Variants in HADHA observed in about 807,000 individuals in gnomAD.
HADHA encodes the protein trifunctional enzyme subunit alpha, mitochondrial.
Under a neutral mutation model 91.3 loss-of-function variants are expected in HADHA, and 59 were observed. The ratio of observed to expected loss-of-function variants is 0.65; its 90% CI spans 0.52 to 0.80. The LOEUF (loss-of-function observed/expected upper bound fraction) is 0.80, where lower values mean the gene tolerates loss of function less well. HADHA is among the 30% of genes least tolerant of loss of function. The probability of loss-of-function intolerance (pLI) is 0.00; values close to 1 mark genes in which losing one functional copy is unlikely to be tolerated. For synonymous variants in HADHA, 320 were observed against 338.9 expected (o/e 0.94, Z 0.61); for missense variants, 800 against 927.6 (o/e 0.86, Z 1.79).
chr2:26,207,440 C>T (rs1439202192), intron 11 of HADHA, among the ~76,000 whole-genome samples: 2 of 151,492 alleles, frequency 1.3e-5, no homozygotes, highest in Non-Finnish European at 2.9e-5. Context: ...GAATCCACAG[C>T]TAAAATATTA....
In HADHA at chr2:26,203,288, A is replaced by G. The variant is rs576985902; in HGVS notation, c.1220+774T>C. Among the ~76,000 whole-genome samples the G allele has an allele frequency of 6.5e-4, 99 of 152,312 alleles. No individual in the cohort carries two copies. The South Asian group carries it at 0.02, about 31-fold the overall frequency. On this transcript the variant is annotated intron_variant, in intron 12 of 19. Coordinates refer to ENST00000380649, the MANE Select transcript of HADHA (RefSeq NM_000182.5). ...ATCCATTTAAGAAACAAAAAAGCTC[A>G]CTCAGCTAAAAGTCACATGCAGGAT... is the stretch of plus-strand genomic sequence containing the variant.
intron 4 of HADHA, among the ~76,000 whole-genome samples, chr2:26,236,359 G>GTATA (rs34905439): frequency 0.028 from 3,877 of 137,832 alleles, 98 homozygotes; most frequent in Middle Eastern, 0.052. Flanking sequence ...GTGTGTGTGT[G>GTATA]TATATATATA....
chr2:26,215,640 T>C (rs910280158), intron 7 of HADHA, among the ~76,000 whole-genome samples: 1 of 152,182 alleles, frequency 6.6e-6, no homozygotes, highest in Non-Finnish European at 1.5e-5. Flanking sequence ...TTTTCAGGGA[T>C]GTGTAATGCT....
chr2:26,234,590 C>A (rs1295820983), intron 4 of HADHA, among the ~76,000 whole-genome samples: 2 of 152,048 alleles, frequency 1.3e-5, no homozygotes, highest in Admixed American at 1.3e-4. Context: ...CACGGTGAAA[C>A]CCCGTCTCTA....
chr2:26,195,645 A>C (rs150165409), intron 14 of HADHA, among the ~76,000 whole-genome samples: 1 of 152,094 alleles, frequency 6.6e-6, no homozygotes, highest in African/African-American at 2.4e-5. Context: ...CTGTCAGAGA[A>C]GTATTTGCAT....
intron 7 of HADHA, among the ~76,000 whole-genome samples, chr2:26,223,858 T>C (rs756196269): frequency 2.0e-4 from 31 of 152,198 alleles, no homozygotes; most frequent in Non-Finnish European, 4.0e-4. Context: ...GTGATTCTCC[T>C]GCCTCAGCCT....
intron 5 of HADHA, among the ~76,000 whole-genome samples, chr2:26,232,521 A>G (rs1477384761): frequency 6.6e-6 from 1 of 152,184 alleles, no homozygotes; most frequent in Non-Finnish European, 1.5e-5. Context: ...ACTGAAAGCT[A>G]GAGAAGCTCT....
Position 26,191,474 on chromosome 2 carries a change from G to A in HADHA, c.2146+9C>T, listed in dbSNP as rs776491880. On this transcript the variant is annotated intron_variant, in intron 19 of 19. Coordinates refer to ENST00000380649, the MANE Select transcript of HADHA (RefSeq NM_000182.5). ...AAAGTGAGCTTCCTTCCCAACCTGC[G>A]AGACCAACCTCCCAGACAAGGCGGG... The A allele has an allele frequency of 4.3e-6, 7 of 1,614,010 alleles. No individual in the cohort carries two copies. Among genetic ancestry groups the A allele is most frequent in the East Asian group, 4.5e-5 (2 of 44,886 alleles).
intron 12 of HADHA, among the ~76,000 whole-genome samples, chr2:26,201,953 C>T (rs1574608433): frequency 7.6e-6 from 1 of 131,322 alleles, no homozygotes; most frequent in African/African-American, 3.0e-5. Context: ...CACCACCACG[C>T]CTGGCTAATT....
intron 7 of HADHA, among the ~76,000 whole-genome samples, chr2:26,215,790 A>G (rs926985744): frequency 1.3e-5 from 2 of 152,342 alleles, no homozygotes; most frequent in African/African-American, 2.4e-5. Context: ...AACATTTGTG[A>G]AAGTCTAAGA....
At chr2:26,196,094 C>T (rs1274041585) in intron 14 of HADHA, among the ~76,000 whole-genome samples, 1 of 152,220 alleles carries the variant, frequency 6.6e-6, no homozygotes, top group Non-Finnish European at 1.5e-5. Flanking sequence ...ACATTTACCA[C>T]TTATTCCTTA....
rs540612118 is a variant in HADHA at position 26,219,587 on chromosome 2, T to C, written c.677-4412A>G. On this transcript the variant is annotated intron_variant, in intron 7 of 19. Coordinates refer to ENST00000380649, the MANE Select transcript of HADHA (RefSeq NM_000182.5). ...ATCTTTGCTCTGTGGTTGCTTCTCTTTGTAGGTCAGAAATTACAGTGGGAA... is the reference window on the plus strand; with the variant it reads ...ATCTTTGCTCTGTGGTTGCTTCTCTCTGTAGGTCAGAAATTACAGTGGGAA... Among the ~76,000 whole-genome samples, 7 of 152,268 alleles carry C rather than the reference T, an allele frequency of 4.6e-5. No individual in the cohort carries two copies. The South Asian group carries it at 1.5e-3, about 32-fold the overall frequency.
At chr2:26,217,456 A>T (rs1670264493) in intron 7 of HADHA, among the ~76,000 whole-genome samples, 1 of 152,240 alleles carries the variant, frequency 6.6e-6, no homozygotes, top group African/African-American at 2.4e-5. Context: ...CCATATGTCC[A>T]AGATGCTCAA....
In HADHA at chr2:26,210,213, A is replaced by G. The variant is rs1436817987; in HGVS notation, c.976-324T>C. Among the ~76,000 whole-genome samples the G allele has an allele frequency of 6.6e-6, 1 of 152,152 alleles. No homozygotes were observed. Among genetic ancestry groups the G allele is most frequent in the Non-Finnish European group, 1.5e-5 (1 of 68,014 alleles). ...CTCAGGGCCAAAATGAGCCTCCACA[A>G]TCATCTCAAACCAACCCTCTCATTT... On this transcript the variant is annotated intron_variant, in intron 10 of 19. Transcript: ENST00000380649. The surrounding 1 kb of genome is among the most constrained non-coding windows in gnomAD (Gnocchi z 4.0).
At chr2:26,191,703 G>A in intron 18 of HADHA, 75 bp from the exon 19 acceptor site, 2 of 1,498,802 alleles carry the variant, frequency 1.3e-6, no homozygotes, top group Non-Finnish European at 1.9e-6. Context: ...ATGCAGAATG[G>A]AAGTCGGGAT....
At chr2:26,202,602 A>T (rs886538689) in intron 12 of HADHA, among the ~76,000 whole-genome samples, 1 of 152,190 alleles carries the variant, frequency 6.6e-6, no homozygotes, top group East Asian at 1.9e-4. Context: ...TCAGCTGTGC[A>T]TGGTGGCGCA....
At chr2:26,193,863 G>A (rs1156626204) in intron 16 of HADHA, 91 bp from the exon 17 acceptor site, 18 of 987,558 alleles carry the variant, frequency 1.8e-5, no homozygotes, top group Non-Finnish European at 2.9e-5. Flanking sequence ...ACTGCCTTGT[G>A]TAAAACCCAC....
Position 26,191,263 on chromosome 2 carries a change from T to C in HADHA, c.2279A>G (p.Lys760Arg). 9 of 1,612,626 alleles carry C rather than the reference T, an allele frequency of 5.6e-6. No individual in the cohort carries two copies. The highest frequency in any genetic ancestry group is 7.6e-6 in the Non-Finnish European group (9 of 1,180,000). Residue 760 changes from lysine (K) to arginine (R), a missense_variant, in exon 20 of 20, where the codon AAG becomes AGG. Transcript: ENST00000380649. ...CATGAGGCCTGCTCACTGGTAGAAC[T>C]TCTTGTTAGGGCTGTTAGCATGGTC... Reference protein sequence around the residue: ...LADHANSPNKKFYQ With the variant: ...LADHANSPNKRFYQ
In HADHA at chr2:26,229,354, A is replaced by G. The variant is rs1574622579; in HGVS notation, c.676+838T>C. 2.0e-4 allele frequency among the ~76,000 whole-genome samples: 30 copies of G among 151,382 alleles called. 1 individual carries two copies. The South Asian group carries it at 5.9e-3, about 30-fold the overall frequency. Reference sequence around the variant, plus strand: ...CCCCAACATGTGTGCGCGCGCACACACACACACACACACACACACAAAATT... The same window carrying G: ...CCCCAACATGTGTGCGCGCGCACACGCACACACACACACACACACAAAATT... On this transcript the variant is annotated intron_variant, in intron 7 of 19. Transcript: ENST00000380649. This position sits in a 1 kb window ranked among gnomAD's most constrained non-coding sequence, Gnocchi z 4.3.
Sources: gnomAD v4.1 joint callset for allele counts (sites outside exome capture counted in the v4.1 genomes callset) on GRCh38, gnomAD v4.1.1 for gene constraint, Gnocchi (gnomAD v3.1) non-coding constraint, MANE v1.5 for transcripts, NCBI Gene and HGNC (gene_info 2026-07-23, HGNC 2026-07-21) for gene names.